The following USP33 variants were observed in gnomAD, a reference collection of about 807,000 sequenced individuals.
USP33 encodes the protein ubiquitin specific peptidase 33, also known as ubiquitin carboxyl-terminal hydrolase 33.
Under a neutral mutation model 124.2 loss-of-function variants are expected in USP33, and 46 were observed. That is an observed-to-expected ratio of 0.37 (90% CI 0.29 to 0.47). USP33 has a LOEUF of 0.47. USP33 is among the 20% of genes least tolerant of loss of function. The pLI, the probability that USP33 is intolerant of heterozygous loss-of-function variation, is 0.99. For missense variants in USP33, 851 were observed against 1,070.6 expected (o/e 0.79, Z 2.86); for synonymous variants, 350 against 352.3 (o/e 0.99, Z 0.07).
chr1:77,739,176 A>G, intron 5 of USP33, 89 bp downstream of exon 5: 3 of 1,466,350 alleles, frequency 2.0e-6, no homozygotes, highest in African/African-American at 1.4e-5. Context: ...GTTAGGCAGT[A>G]TTCCTTTTGA....
In USP33 at chr1:77,715,733, T is replaced by C. The variant is rs774489654; in HGVS notation, c.2045+9A>G. On this transcript the variant is annotated intron_variant, in intron 18 of 23. Coordinates refer to ENST00000370794, the MANE Select transcript of USP33 (RefSeq NM_201624.3). ...GATGTCCTTTCGCATCTACACTTAT[T>C]TCCATTACCTATAGAAAAGAACGTA... 4 of 1,612,348 alleles carry C rather than the reference T, an allele frequency of 2.5e-6. No individual in the cohort carries two copies. The Admixed American group carries it at 6.7e-5, about 27-fold the overall frequency.
chr1:77,733,985 A>T (rs74712883), intron 7 of USP33, among the ~76,000 whole-genome samples: 1 of 149,142 alleles, frequency 6.7e-6, no homozygotes, highest in South Asian at 2.1e-4. Flanking sequence ...GACTACGATT[A>T]AAAAAAAAAT....
intron 21 of USP33, among the ~76,000 whole-genome samples, chr1:77,703,857 T>C (rs1260067729): frequency 6.6e-6 from 1 of 151,998 alleles, no homozygotes; most frequent in African/African-American, 2.4e-5. Flanking sequence ...CTACTAAAAA[T>C]ACACAAAAAA....
intron 6 of USP33, 106 bp downstream of exon 6, chr1:77,735,950 A>G (rs1678394505): frequency 2.5e-6 from 2 of 790,938 alleles, no homozygotes; most frequent in Non-Finnish European, 3.7e-6. Context: ...TTTTGTTTTA[A>G]TTATCAAGCC....
chr1:77,699,888 T>C (rs1330366761), intron 22 of USP33, among the ~76,000 whole-genome samples: 2 of 152,190 alleles, frequency 1.3e-5, no homozygotes, highest in South Asian at 2.1e-4. Flanking sequence ...TCATGTCCTA[T>C]GCAGGGACAT....
intron 1 of USP33, among the ~76,000 whole-genome samples, chr1:77,748,479 G>A (rs1208651503): frequency 6.6e-6 from 1 of 152,050 alleles, no homozygotes; most frequent in East Asian, 1.9e-4. Context: ...GACTAGCCTG[G>A]TCAATATGGT....
At chr1:77,713,040 C>T (rs1212262380) in intron 20 of USP33, among the ~76,000 whole-genome samples, 160 bp downstream of exon 20, 2 of 151,994 alleles carry the variant, frequency 1.3e-5, no homozygotes, top group Non-Finnish European at 2.9e-5. Context: ...TAGACTATGC[C>T]ACAGTAGCTA....
At chr1:77,732,785 T>C (rs548394434) in intron 7 of USP33, among the ~76,000 whole-genome samples, 4 of 147,354 alleles carry the variant, frequency 2.7e-5, no homozygotes, top group South Asian at 2.1e-4. Flanking sequence ...AGTAAATGTC[T>C]CTTCTTTTTT....
chr1:77,721,685 A>C, intron 14 of USP33, 146 bp downstream of exon 14: 1 of 655,368 alleles, frequency 1.5e-6, no homozygotes, highest in Non-Finnish European at 2.6e-6. Context: ...TATATTATCA[A>C]GGTAGACACT....
Position 77,697,471 on chromosome 1 carries a change from G to A in USP33, c.2582C>T (p.Ala861Val). 2 of 1,593,142 alleles carry A rather than the reference G, an allele frequency of 1.3e-6. No homozygotes were observed. The highest frequency in any genetic ancestry group is 1.7e-4 in the Middle Eastern group (1 of 5,944). ...KCGNVMLRQG[A>V]DSGQISEETW... ...TTCTTCAGAAATCTGGCCAGAATCTGCTCCTTAAAATTACGTAGAAGAAAT... is the reference window on the plus strand; with the variant it reads ...TTCTTCAGAAATCTGGCCAGAATCTACTCCTTAAAATTACGTAGAAGAAAT... Residue 861 changes from alanine (A) to valine (V), a missense_variant, in exon 24 of 24, where the codon GCA (alanine) becomes GTA (valine). By Grantham distance (64) the Ala-to-Val change is moderately conservative. Transcript: ENST00000370794.
intron 5 of USP33, among the ~76,000 whole-genome samples, chr1:77,736,693 T>C (rs1204041373): frequency 6.6e-6 from 1 of 152,048 alleles, no homozygotes; most frequent in African/African-American, 2.4e-5. Context: ...CACTGCAACC[T>C]CCACCTCCTG....
chr1:77,713,674 G>C (rs1224353438), intron 19 of USP33, among the ~76,000 whole-genome samples: 3 of 150,630 alleles, frequency 2.0e-5, no homozygotes, highest in African/African-American at 7.3e-5. Context: ...TGAGCTTAGA[G>C]GCATGAGCCA....
At chr1:77,743,266 T>C (rs529349925) in intron 1 of USP33, among the ~76,000 whole-genome samples, 1 of 152,162 alleles carries the variant, frequency 6.6e-6, no homozygotes, top group Non-Finnish European at 1.5e-5. Flanking sequence ...TTTAAACCCA[T>C]TGCAATAAAT....
chr1:77,741,270 A>G (rs1679086781), intron 3 of USP33, 106 bp downstream of exon 3: 1 of 1,116,320 alleles, frequency 9.0e-7, no homozygotes, highest in East Asian at 2.5e-5. Context: ...AAGCAAGTTT[A>G]ATTTACAAAA....
intron 1 of USP33, among the ~76,000 whole-genome samples, chr1:77,748,158 CT>C (rs1291367058): frequency 6.6e-6 from 1 of 151,924 alleles, no homozygotes; most frequent in Non-Finnish European, 1.5e-5. Context: ...AGTTTTAGTT[CT>C]TATTTCAAGG....
intron 11 of USP33, 142 bp downstream of exon 11, chr1:77,725,480 T>A (rs1293188654): frequency 8.0e-7 from 1 of 1,242,892 alleles, no homozygotes; most frequent in African/African-American, 1.5e-5. Context: ...AAATTTTTAA[T>A]CATGTCTATG....
chr1:77,713,622 C>A (rs528295615), intron 19 of USP33: 1 of 194,528 alleles, frequency 5.1e-6, no homozygotes, highest in South Asian at 8.9e-5. Flanking sequence ...GTCTCAAACT[C>A]ATGACCTCAA....
At chr1:77,719,141 A>G (rs1676271500) in intron 15 of USP33, among the ~76,000 whole-genome samples, 1 of 151,838 alleles carries the variant, frequency 6.6e-6, no homozygotes, top group Non-Finnish European at 1.5e-5. Context: ...CGGGCCGATC[A>G]TAAGGTCAGG....
At chr1:77,726,905 T>C (rs915513385) in intron 10 of USP33, among the ~76,000 whole-genome samples, 1 of 152,212 alleles carries the variant, frequency 6.6e-6, no homozygotes, top group Non-Finnish European at 1.5e-5. Flanking sequence ...GGATTCCTAG[T>C]GCCTAACATA....
Sources: gnomAD v4.1 joint callset for allele counts (sites outside exome capture counted in the v4.1 genomes callset) on GRCh38, gnomAD v4.1.1 for gene constraint, MANE v1.5 for transcripts, NCBI Gene and HGNC (gene_info 2026-07-23, HGNC 2026-07-21) for gene names.